The following NLRP9 variants were observed in gnomAD, a reference collection of about 807,000 sequenced individuals.
The protein encoded by NLRP9 is NLR family pyrin domain containing 9.
Under a neutral mutation model 83.1 loss-of-function variants are expected in NLRP9, and 88 were observed. The ratio of observed to expected loss-of-function variants is 1.06; its 90% CI spans 0.89 to 1.26. The LOEUF is 1.26. Among genes scored for constraint, NLRP9 ranks in the 50% most tolerant of loss-of-function variants. The pLI is 0.00. For missense variants in NLRP9, 1,308 were observed against 1,179.3 expected, an observed-to-expected ratio of 1.11 and a Z score of -1.60; for synonymous variants, 521 against 447.6, an observed-to-expected ratio of 1.16 and a Z score of -2.07.
chr19:55,709,039 T>C lies in NLRP9; in HGVS notation c.2849A>G (p.His950Arg). 6.4e-7 allele frequency: 1 copy of C among 1,568,398 alleles called. No individual in the cohort carries two copies. Among genetic ancestry groups the C allele is most frequent in the Non-Finnish European group, 8.6e-7 (1 of 1,165,618 alleles). The change falls in exon 9 of 9, where the codon CAC becomes CGC. Residue 950 changes from histidine to arginine, a missense_variant. By Grantham distance (29) the His-to-Arg change is conservative. Coordinates refer to ENST00000332836, the MANE Select transcript of NLRP9 (RefSeq NM_176820.4). ...AGTTTCTTCATCAAAGCCAGATTTGTGCAGCCTGGGAAAATAGAAATAAAG... is the reference window on the plus strand; with the variant it reads ...AGTTTCTTCATCAAAGCCAGATTTGCGCAGCCTGGGAAAATAGAAATAAAG... The part of the protein sequence containing the change: ...PDCALQMLGL[H>R]KSGFDEETQK...
chr19:55,730,055 C>G (rs1988527772), intron 2 of NLRP9, 63 bp from the exon 3 acceptor site: 1 of 1,458,976 alleles, frequency 6.9e-7, no homozygotes, highest in Non-Finnish European at 9.4e-7. Context: ...ATTCTCAAAA[C>G]AGGTCGAACA....
chr19:55,715,061 T>C lies in NLRP9; in HGVS notation c.2495A>G (p.Glu832Gly). ...AAATCATGGCCGGTCCTACCACAGC[T>C]CCCGTATGCTGCAGCCTGGGTGCTT... ...ALKHPGCSIR[E>G]LWLMGCFLTS... Residue 832 changes from glutamate to glycine, a missense_variant, in exon 6 of 9, where the codon GAG becomes GGG. By Grantham distance (98) the Glu-to-Gly change is moderately conservative. Transcript: ENST00000332836. The C allele has an allele frequency of 6.2e-7, 1 of 1,607,794 alleles. No homozygotes were observed.
chr19:55,735,255 A>T (rs1988754446), intron 1 of NLRP9, among the ~76,000 whole-genome samples: 1 of 152,174 alleles, frequency 6.6e-6, no homozygotes, highest in Non-Finnish European at 1.5e-5. Context: ...GCAGTGACTG[A>T]CTTTGTATAA....
chr19:55,713,578 T>TCCCTCCTC (rs200505932), intron 6 of NLRP9, among the ~76,000 whole-genome samples: 6,100 of 101,932 alleles, frequency 0.06, 484 homozygotes, highest in Middle Eastern at 0.09. Context: ...GCACCTTCTC[T>TCCCTCCTC]CCCTCCTCCC....
chr19:55,717,157 C>T (rs1358321598), intron 4 of NLRP9, among the ~76,000 whole-genome samples: 1 of 151,786 alleles, frequency 6.6e-6, no homozygotes, highest in South Asian at 2.1e-4. Context: ...CCTCAGTCTC[C>T]CAAGTAGCTG....
At chr19:55,709,225 T>C in intron 8 of NLRP9, 181 bp from the exon 9 acceptor site, 1 of 427,736 alleles carries the variant, frequency 2.3e-6, no homozygotes, top group Non-Finnish European at 4.1e-6. Context: ...GCCTCTGATT[T>C]ATACCATAAA....
At chr19:55,735,305 T>C (rs1159401404) in intron 1 of NLRP9, among the ~76,000 whole-genome samples, 3 of 151,982 alleles carry the variant, frequency 2.0e-5, no homozygotes, top group Non-Finnish European at 4.4e-5. Context: ...AAAACATACA[T>C]GCTAGGCACG....
Position 55,733,410 on chromosome 19 carries a change from C to G in NLRP9, c.421G>C (p.Ala141Pro), listed in dbSNP as rs531032441. Residue 141 changes from alanine to proline, a missense_variant, in exon 2 of 9, where the codon GCT becomes CCT. Ala to Pro is a conservative substitution (Grantham distance 27). Transcript: ENST00000332836. ...EYKELNDAYTAAARRHTVVLE... is the reference protein window; with the variant it reads ...EYKELNDAYTPAARRHTVVLE... ...ACCACAGTGTGTCGTCTAGCCGCAG[C>G]AGTATATGCGTCATTCAATTCTTTA... is the stretch of plus-strand genomic sequence containing the variant. 6.2e-7 allele frequency: 1 copy of G among 1,613,956 alleles called. No individual in the cohort carries two copies. The highest frequency in any genetic ancestry group is 8.5e-7 in the Non-Finnish European group (1 of 1,179,938).
chr19:55,725,853 C>G (rs900021930), intron 3 of NLRP9, among the ~76,000 whole-genome samples: 4 of 151,900 alleles, frequency 2.6e-5, no homozygotes, highest in Non-Finnish European at 4.4e-5. Flanking sequence ...ATGATGAAAC[C>G]CCATCTCTAC....
Position 55,733,223 on chromosome 19 carries a change from G to C in NLRP9, c.608C>G (p.Ser203Cys), listed in dbSNP as rs1031749932. The C allele has an allele frequency of 1.2e-6, 2 of 1,613,874 alleles. No individual in the cohort carries two copies. Among genetic ancestry groups the C allele is most frequent in the Non-Finnish European group, 1.7e-6 (2 of 1,179,840 alleles). Residue 203 changes from serine to cysteine, a missense_variant, in exon 2 of 9, where the codon TCT becomes TGT. Coordinates refer to ENST00000332836, the MANE Select transcript of NLRP9 (RefSeq NM_176820.4). The part of the protein sequence containing the change: ...IAETSLLELL[S>C]RDWPESSEKI... ...CTCTGAAGACTCCGGCCAGTCCCTA[G>C]AGAGGAGCTCCAGTAAGCTGGTCTC...
chr19:55,729,973 AGAC>A lies in NLRP9; in HGVS notation c.1849_1851del (p.Val617del). The A allele has an allele frequency of 6.2e-7, 1 of 1,613,298 alleles. No homozygotes were observed. ...AACATTGAGCAAAGCTCCCGCCAGT[AGAC>A]GAGCTTCTCATTGTAACTATGAGAG... On this transcript the variant is annotated inframe_deletion, in exon 3 of 9. Transcript: ENST00000332836.
chr19:55,711,583 T>C (rs769527181), intron 8 of NLRP9: 2 of 926,850 alleles, frequency 2.2e-6, no homozygotes, highest in South Asian at 2.8e-5. Flanking sequence ...CTGAGGGAAG[T>C]GCTACTGGCA....
chr19:55,723,001 T>TGG (rs997993807), intron 4 of NLRP9, among the ~76,000 whole-genome samples: 4 of 151,462 alleles, frequency 2.6e-5, no homozygotes, highest in African/African-American at 9.7e-5. Context: ...TGTCGGTGGG[T>TGG]GGGGAGCTGG....
intron 3 of NLRP9, among the ~76,000 whole-genome samples, chr19:55,724,887 G>A (rs1424211520): frequency 1.3e-5 from 2 of 151,846 alleles, no homozygotes; most frequent in Admixed American, 6.6e-5. Context: ...GCGAAACCCC[G>A]TCTCTACTAA....
Position 55,733,499 on chromosome 19 carries a change from C to A in NLRP9, c.332G>T (p.Trp111Leu), listed in dbSNP as rs1259562150. Residue 111 changes from tryptophan (W) to leucine (L), a missense_variant, in exon 2 of 9, where the codon TGG (tryptophan) becomes TTG (leucine). Coordinates refer to ENST00000332836, the MANE Select transcript of NLRP9 (RefSeq NM_176820.4). ...KHMKETFQLIWEKETCLHVPE... is the reference protein window; with the variant it reads ...KHMKETFQLILEKETCLHVPE... ...GACGTGAAGACAGGTTTCCTTCTCC[C>A]ATATGAGTTGAAATGTTTCCTTCAT... 1 of 1,610,628 alleles carries A rather than the reference C, an allele frequency of 6.2e-7. No individual in the cohort carries two copies.
intron 4 of NLRP9, among the ~76,000 whole-genome samples, chr19:55,718,846 C>T (rs1488411385): frequency 1.3e-5 from 2 of 152,232 alleles, no homozygotes; most frequent in African/African-American, 2.4e-5. Context: ...CTCCACCTGA[C>T]TAGAAATACC....
At chr19:55,728,350 G>A (rs557170377) in intron 3 of NLRP9, among the ~76,000 whole-genome samples, 132 of 152,194 alleles carry the variant, frequency 8.7e-4, no homozygotes, top group African/African-American at 2.9e-3. Flanking sequence ...GCCGAGGCGG[G>A]CGCATCACAA....
intron 8 of NLRP9, chr19:55,711,473 G>T: frequency 7.6e-7 from 1 of 1,321,712 alleles, no homozygotes; most frequent in Non-Finnish European, 9.9e-7. Flanking sequence ...TATGGGCAAC[G>T]TAAGTAGAAG....
intron 8 of NLRP9, 161 bp from the exon 9 acceptor site, chr19:55,709,205 A>C: frequency 2.1e-6 from 1 of 485,440 alleles, no homozygotes; most frequent in Non-Finnish European, 3.5e-6. Flanking sequence ...TCTTTCCTAT[A>C]GGATAGGAAG....
Sources: allele counts gnomAD v4.1 joint callset (sites outside exome capture counted in the v4.1 genomes callset), GRCh38; gene constraint gnomAD v4.1.1; transcripts MANE v1.5; gene names NCBI Gene and HGNC (gene_info 2026-07-23, HGNC 2026-07-21).